The following CNTFR variants were observed in gnomAD, a reference collection of about 807,000 sequenced individuals.
CNTFR encodes ciliary neurotrophic factor receptor subunit alpha.
In CNTFR, 12 loss-of-function variants were observed where a neutral mutation model predicts 40.4. The ratio of observed to expected loss-of-function variants is 0.30; its 90% confidence interval spans 0.19 to 0.48. The LOEUF is 0.48. Ranked by LOEUF, CNTFR falls within the 20% of genes least tolerant of loss-of-function variation. The probability of loss-of-function intolerance (pLI) is 0.99; values close to 1 mark genes in which losing one functional copy is unlikely to be tolerated. For synonymous variants in CNTFR, 202 were observed against 209.6 expected, an observed-to-expected ratio of 0.96 and a Z score of 0.31; for missense variants, 414 against 506.8, an observed-to-expected ratio of 0.82 and a Z score of 1.76.
chr9:34,564,802 C>G lies in CNTFR; in HGVS notation c.116G>C (p.Gly39Ala). 6.2e-7 allele frequency: 1 copy of G among 1,613,760 alleles called. No individual in the cohort carries two copies. Among genetic ancestry groups the G allele is most frequent in the South Asian group, 1.1e-5 (1 of 91,054 alleles). Residue 39 changes from glycine to alanine, a missense_variant, in exon 4 of 10, where the codon GGC (glycine) becomes GCC (alanine). Around this residue, in one of 3 missense-constraint regions of CNTFR, gnomAD observed 250 missense variants for 269.5 expected, o/e 0.93. Transcript: ENST00000378980. The stretch of plus-strand genomic sequence containing the variant: ...CCCACATGGCAGTGTCACGTCAGAG[C>G]CCAGGCGCTCGTACTGCACATGGGG... ...EAPHVQYERL[G>A]SDVTLPCGTA... is the part of the protein sequence containing the mutation.
chr9:34,557,885 G>C lies in CNTFR; in HGVS notation c.419C>G (p.Thr140Ser), dbSNP rs769005337. 6.4e-7 allele frequency: 1 copy of C among 1,571,056 alleles called. No individual in the cohort carries two copies. The highest frequency in any genetic ancestry group is 8.6e-7 in the Non-Finnish European group (1 of 1,157,274). Reference protein sequence around the residue: ...HLPTPTYIPNTFNVTVLHGSK... With the variant: ...HLPTPTYIPNSFNVTVLHGSK... ...TACTCACAGCACAGTCACATTGAAGGTGTTGGGAATGTAGGTGGGGGTGGG... is the reference window on the plus strand; with the variant it reads ...TACTCACAGCACAGTCACATTGAAGCTGTTGGGAATGTAGGTGGGGGTGGG... Residue 140 changes from threonine to serine, a missense_variant, in exon 5 of 10, where the codon ACC becomes AGC. Physicochemically the swap from Thr to Ser is moderately conservative, Grantham distance 58. Around this residue, in one of 3 missense-constraint regions of CNTFR, gnomAD observed 250 missense variants for 269.5 expected, o/e 0.93. Coordinates refer to ENST00000378980, the MANE Select transcript of CNTFR (RefSeq NM_147164.3). The surrounding 1 kb of genome is among the most constrained non-coding windows in gnomAD (Gnocchi z 4.2).
rs1259438935 is a variant in CNTFR at position 34,578,519 on chromosome 9, G to T, written c.-1+2576C>A. Among the ~76,000 whole-genome samples, 4 of 152,190 alleles carry T rather than the reference G, an allele frequency of 2.6e-5. No individual in the cohort carries two copies. In the East Asian group the frequency reaches 7.7e-4, roughly 29 times the overall value. On this transcript the variant is annotated intron_variant, in intron 2 of 9. Transcript: ENST00000378980. The stretch of plus-strand genomic sequence containing the variant: ...TCGGGCAGACCACTGCTGGTCTCAG[G>T]GCTGACCTCTGCTGCCTGGGGCTAT...
chr9:34,552,627 G>A lies in CNTFR; in HGVS notation c.949+47C>T. On this transcript the variant is annotated intron_variant, in intron 8 of 9. Coordinates refer to ENST00000378980, the MANE Select transcript of CNTFR (RefSeq NM_147164.3). This position sits in a 1 kb window ranked among gnomAD's most constrained non-coding sequence, Gnocchi z 5.1. ...AACCAGGCCACAGGTTCTACCACAG[G>A]CCTCCAGGACAGCAAAGCCAGGAGG... is the stretch of plus-strand genomic sequence containing the variant. The A allele has an allele frequency of 6.3e-7, 1 of 1,582,710 alleles. No homozygotes were observed. Among genetic ancestry groups the A allele is most frequent in the Non-Finnish European group, 8.6e-7 (1 of 1,164,862 alleles).
intron 3 of CNTFR, chr9:34,567,912 C>G (rs1299787665): frequency 6.6e-6 from 1 of 152,220 alleles, no homozygotes; most frequent in East Asian, 1.9e-4. Flanking sequence ...CTAGGGATGC[C>G]CAGTCAATGC....
At position 34,557,545 on chromosome 9, in the gene CNTFR, G is replaced by T; in HGVS notation, c.585C>A (p.Thr195=). The T allele has an allele frequency of 6.2e-7, 1 of 1,614,158 alleles. No individual in the cohort carries two copies. The highest frequency in any genetic ancestry group is 8.5e-7 in the Non-Finnish European group (1 of 1,180,018). Residue 195 remains threonine, a synonymous_variant, in exon 6 of 10, where the codon ACC becomes ACA. Coordinates refer to ENST00000378980, the MANE Select transcript of CNTFR (RefSeq NM_147164.3). This position sits in a 1 kb window ranked among gnomAD's most constrained non-coding sequence, Gnocchi z 4.2. ...ACGTACCAATGGTGAACTCGTCAAA[G>T]GTGATAGCTGTGGCATTGTGGCCCA... is the stretch of plus-strand genomic sequence containing the variant. ...NALGHNATAI[T]FDEFTIVKPD...
intron 4 of CNTFR, among the ~76,000 whole-genome samples, chr9:34,559,611 T>A (rs1825986693): frequency 6.6e-6 from 1 of 151,322 alleles, no homozygotes; most frequent in African/African-American, 2.4e-5. Context: ...TGCAGAACTC[T>A]GCCTGGGGGT....
intron 2 of CNTFR, among the ~76,000 whole-genome samples, chr9:34,575,723 G>C (rs1826924048): frequency 7.4e-6 from 1 of 135,876 alleles, no homozygotes; most frequent in Non-Finnish European, 1.5e-5. Flanking sequence ...GGGGGCAGCA[G>C]TGCATGTGAT....
intron 4 of CNTFR, among the ~76,000 whole-genome samples, chr9:34,559,633 C>T (rs1218418073): frequency 6.6e-6 from 1 of 151,804 alleles, no homozygotes; most frequent in Non-Finnish European, 1.5e-5. Flanking sequence ...GGGTGGGGGG[C>T]GGCCAAGGAC....
At chr9:34,572,927 C>T (rs149234926) in intron 2 of CNTFR, among the ~76,000 whole-genome samples, 232 of 152,316 alleles carry the variant, frequency 1.5e-3, no homozygotes, top group African/African-American at 4.8e-3. Flanking sequence ...CTGACGGTGA[C>T]ATCAACACAG....
In CNTFR at chr9:34,552,323, G is replaced by A. The variant is rs1056338244; in HGVS notation, c.956C>T (p.Thr319Met). The A allele has an allele frequency of 3.3e-5, 51 of 1,537,492 alleles. No individual in the cohort carries two copies. Among genetic ancestry groups the A allele is most frequent in the Middle Eastern group, 1.8e-4 (1 of 5,454 alleles). The stretch of plus-strand genomic sequence containing the variant: ...TGCCAGGGAGCTGGTGGTGCTGGTC[G>A]TGGTCTCTGGGGAACATGGGGGAAA... ...LTTEAQAAET[T>M]TSTTSSLAPP... Residue 319 changes from threonine to methionine, a missense_variant, in exon 9 of 10, where the codon ACG becomes ATG. Transcript: ENST00000378980. This position sits in a 1 kb window ranked among gnomAD's most constrained non-coding sequence, Gnocchi z 5.1.
intron 2 of CNTFR, among the ~76,000 whole-genome samples, chr9:34,576,020 C>A (rs1278936626): frequency 6.6e-6 from 1 of 152,096 alleles, no homozygotes; most frequent in South Asian, 2.1e-4. Flanking sequence ...CACACACACA[C>A]CAGCCACTCA....
chr9:34,567,719 G>A (rs564529836), intron 3 of CNTFR, among the ~76,000 whole-genome samples: 26 of 152,266 alleles, frequency 1.7e-4, no homozygotes, highest in African/African-American at 6.3e-4. Flanking sequence ...ATGCAGACAG[G>A]CAAGGTGACA....
At chr9:34,559,077 C>T (rs1452593505) in intron 4 of CNTFR, among the ~76,000 whole-genome samples, 2 of 152,204 alleles carry the variant, frequency 1.3e-5, no homozygotes, top group Admixed American at 1.3e-4. Context: ...TGACACCTCC[C>T]TCCTGTGCCT....
At chr9:34,573,310 TG>T (rs1826773574) in intron 2 of CNTFR, among the ~76,000 whole-genome samples, 1 of 151,956 alleles carries the variant, frequency 6.6e-6, no homozygotes, top group Non-Finnish European at 1.5e-5. Context: ...CAGGTCAGGG[TG>T]GGGGATAATG....
At chr9:34,553,621 G>T (rs1825720012) in intron 7 of CNTFR, among the ~76,000 whole-genome samples, 1 of 152,208 alleles carries the variant, frequency 6.6e-6, no homozygotes, top group African/African-American at 2.4e-5. Context: ...GCGGAAAGGG[G>T]TGGGGGACAG....
At chr9:34,585,191 G>C (rs1827486392) in intron 1 of CNTFR, among the ~76,000 whole-genome samples, 1 of 152,184 alleles carries the variant, frequency 6.6e-6, no homozygotes, top group South Asian at 2.1e-4. Context: ...TCTGTGCCAA[G>C]GGCAGGCAGG....
At chr9:34,572,936 A>G (rs1301656089) in intron 2 of CNTFR, among the ~76,000 whole-genome samples, 2 of 152,240 alleles carry the variant, frequency 1.3e-5, no homozygotes. Context: ...ACATCAACAC[A>G]GTGACACAGC....
chr9:34,585,181 T>C (rs1412848085), intron 1 of CNTFR, among the ~76,000 whole-genome samples: 1 of 152,164 alleles, frequency 6.6e-6, no homozygotes, highest in African/African-American at 2.4e-5. Flanking sequence ...GTGTACGAGG[T>C]CTGTGCCAAG....
chr9:34,552,480 C>T lies in CNTFR; in HGVS notation c.950-151G>A, dbSNP rs574442286. ...CTGTTTCCCAAGGCTCACAGATAACCCCTCCACCCAATGACCCCTACCAAG... is the reference window on the plus strand; with the variant it reads ...CTGTTTCCCAAGGCTCACAGATAACTCCTCCACCCAATGACCCCTACCAAG... On this transcript the variant is annotated intron_variant, in intron 8 of 9. Coordinates refer to ENST00000378980, the MANE Select transcript of CNTFR (RefSeq NM_147164.3). This position sits in a 1 kb window ranked among gnomAD's most constrained non-coding sequence, Gnocchi z 5.1. 5.6e-6 allele frequency: 6 copies of T among 1,064,584 alleles called. No homozygotes were observed. Among genetic ancestry groups the T allele is most frequent in the Non-Finnish European group, 7.9e-6 (6 of 754,754 alleles). 65.9% of individuals were successfully genotyped at this position (1,064,584 alleles called of 1,614,324 possible).
Sources: gnomAD v4.1 joint callset for allele counts (sites outside exome capture counted in the v4.1 genomes callset) on GRCh38, gnomAD v4.1.1 for gene constraint, gnomAD v4.1.1 regional missense constraint, Gnocchi (gnomAD v3.1) non-coding constraint, MANE v1.5 for transcripts, NCBI Gene and HGNC (gene_info 2026-07-23, HGNC 2026-07-21) for gene names.